Variants in ZNF714 observed in about 807,000 individuals in gnomAD.
ZNF714 encodes zinc finger protein 714.
In ZNF714, 32 loss-of-function variants were observed where a neutral mutation model predicts 46.2. The observed-to-expected ratio is 0.69, with a 90% CI of 0.52 to 0.93. The LOEUF (loss-of-function observed/expected upper bound fraction) is 0.93. Ranked by LOEUF, ZNF714 falls within the 40% of genes least tolerant of loss-of-function variation. ZNF714 has a pLI of 0.00. For missense variants in ZNF714, 635 were observed against 646.3 expected (o/e 0.98, Z 0.19); for synonymous variants, 199 against 213.1 (o/e 0.93, Z 0.58).
intron 4 of ZNF714, among the ~76,000 whole-genome samples, chr19:21,102,827 T>C (rs911201048): frequency 6.6e-6 from 1 of 152,224 alleles, no homozygotes; most frequent in Non-Finnish European, 1.5e-5. Context: ...TTCATGTTAG[T>C]GTTTTTTCAG....
At chr19:21,083,489 A>G (rs751951401) in intron 1 of ZNF714, among the ~76,000 whole-genome samples, 2 of 152,126 alleles carry the variant, frequency 1.3e-5, no homozygotes, top group Non-Finnish European at 2.9e-5. Flanking sequence ...CCCGTCCCCC[A>G]TATCTCCAGC....
rs1189871825 is a variant in ZNF714 at position 21,117,618 on chromosome 19, T to C, written c.954T>C (p.Cys318=). 2.5e-6 allele frequency: 4 copies of C among 1,612,356 alleles called. No individual in the cohort carries two copies. The East Asian group carries it at 8.9e-5, about 36-fold the overall frequency. ...SGEKSYKCEQ[C]GKGFNWSSTL... is the part of the protein sequence containing the mutation. ...AGAAATCTTACAAATGTGAACAATG[T>C]GGCAAAGGCTTTAACTGGTCTTCAA... Residue 318 remains cysteine, a synonymous_variant, in exon 5 of 5, where the codon TGT becomes TGC. Coordinates refer to ENST00000456283, the MANE Select transcript of ZNF714 (RefSeq NM_182515.4).
chr19:21,083,751 T>C (rs536785158), intron 1 of ZNF714, among the ~76,000 whole-genome samples: 14 of 152,296 alleles, frequency 9.2e-5, no homozygotes, highest in Non-Finnish European at 7.3e-5. Flanking sequence ...AATTTCTCTG[T>C]GCCTCTTCTC....
At chr19:21,099,814 A>G (rs575505773) in intron 4 of ZNF714, among the ~76,000 whole-genome samples, 1 of 152,036 alleles carries the variant, frequency 6.6e-6, no homozygotes, top group Non-Finnish European at 1.5e-5. Flanking sequence ...TTTAGATAAT[A>G]TGGCACTTTA....
rs145810082 is a variant in ZNF714, at chr19:21,107,110, C to T, written c.142+8200C>T. Among the ~76,000 whole-genome samples, 774 of 152,316 alleles carry T rather than the reference C, an allele frequency of 5.1e-3. 9 individuals are homozygous for T. The highest frequency in any genetic ancestry group is 0.018 in the African/African-American group (752 of 41,566). The stretch of plus-strand genomic sequence containing the variant: ...AAAGTGCTGGGCTTACAGACATGAG[C>T]CACGGTACCTGGCTTATTTTAGCTT... On this transcript the variant is annotated intron_variant, in intron 4 of 4. Transcript: ENST00000456283.
In ZNF714 at chr19:21,117,503, T is replaced by C. The variant is rs756449272; in HGVS notation, c.839T>C (p.Val280Ala). 1 of 1,608,174 alleles carries C rather than the reference T, an allele frequency of 6.2e-7. No individual in the cohort carries two copies. The highest frequency in any genetic ancestry group is 8.5e-7 in the Non-Finnish European group (1 of 1,176,840). Residue 280 changes from valine (V) to alanine (A), a missense_variant, in exon 5 of 5, where the codon GTT (valine) becomes GCT (alanine). By Grantham distance (64) the Val-to-Ala change is moderately conservative. Transcript: ENST00000456283. Reference sequence around the variant, plus strand: ...CTTACTACACATAAGTTCATTCATGTTAAAGAAAAACCCTACAAATGTGAA... The same window carrying C: ...CTTACTACACATAAGTTCATTCATGCTAAAGAAAAACCCTACAAATGTGAA... ...SALTTHKFIH[V>A]KEKPYKCEEC...
At position 21,124,786 on chromosome 19, in the gene ZNF714, A is replaced by G. The variant is rs1404886974; in HGVS notation, c.*6454A>G. Among the ~76,000 whole-genome samples, 1 of 152,114 alleles carries G rather than the reference A, an allele frequency of 6.6e-6. No individual in the cohort carries two copies. The highest frequency in any genetic ancestry group is 2.4e-5 in the African/African-American group (1 of 41,434). On this transcript the variant is annotated 3_prime_UTR_variant, in exon 5 of 5. Transcript: ENST00000456283. Reference sequence around the variant, plus strand: ...CTAAATACCTTGGCATCTGATGGTCACCATTTTACTCTATACATCAATGGG... The same window carrying G: ...CTAAATACCTTGGCATCTGATGGTCGCCATTTTACTCTATACATCAATGGG...
chr19:21,109,099 GT>G (rs35850352), intron 4 of ZNF714, among the ~76,000 whole-genome samples: 124,440 of 152,112 alleles, frequency 0.82, 52,893 homozygotes, highest in Middle Eastern at 0.93. Flanking sequence ...ATGGAATATA[GT>G]TTTTTTTCCA....
At chr19:21,102,587 AC>A (rs1219793740) in intron 4 of ZNF714, among the ~76,000 whole-genome samples, 2 of 152,178 alleles carry the variant, frequency 1.3e-5, no homozygotes, top group African/African-American at 4.8e-5. Context: ...AAAAATTATC[AC>A]ATTTCTTTTA....
At position 21,118,451 on chromosome 19, in the gene ZNF714, CAAAAAA is replaced by C. The variant is rs71176814; in HGVS notation, c.*131_*136del. 2.5e-4 allele frequency: 42 copies of C among 165,356 alleles called. No individual in the cohort carries two copies. The highest frequency in any genetic ancestry group is 3.2e-4 in the Non-Finnish European group (28 of 86,730). 10.2% of individuals were successfully genotyped at this position (165,356 alleles called of 1,614,324 possible). ...TGGGCCACAAGGCAAGACTCTGTCT[CAAAAAA>C]AAAAAAAAAAAGAAAAGAAAATTCA... On this transcript the variant is annotated 3_prime_UTR_variant, in exon 5 of 5. Coordinates refer to ENST00000456283, the MANE Select transcript of ZNF714 (RefSeq NM_182515.4).
intron 1 of ZNF714, among the ~76,000 whole-genome samples, chr19:21,082,762 T>C (rs1157488786): frequency 1.3e-5 from 2 of 152,150 alleles, no homozygotes; most frequent in Admixed American, 1.3e-4. Context: ...CACTAAAGCA[T>C]TTAATCAAAG....
intron 1 of ZNF714, among the ~76,000 whole-genome samples, chr19:21,083,108 T>C (rs10405218): frequency 6.6e-6 from 1 of 151,624 alleles, no homozygotes; most frequent in Non-Finnish European, 1.5e-5. Context: ...GGCGATCTTG[T>C]CTCACCGTAA....
At chr19:21,093,121 A>T (rs1968955954) in intron 2 of ZNF714, among the ~76,000 whole-genome samples, 1 of 151,776 alleles carries the variant, frequency 6.6e-6, no homozygotes, top group African/African-American at 2.4e-5. Flanking sequence ...AGCCAGGATG[A>T]TCTCAATCTC....
In ZNF714 at chr19:21,119,151, T is replaced by C; in HGVS notation, c.*819T>C. 2.2e-6 allele frequency: 1 copy of C among 447,866 alleles called. No homozygotes were observed. Among genetic ancestry groups the C allele is most frequent in the Non-Finnish European group, 4.5e-6 (1 of 223,756 alleles). The allele number at this position is 447,866 out of a possible 1,614,324, so 27.7% of individuals were successfully genotyped here. A position where few individuals can be genotyped will look rare whatever the true frequency, so the allele number is the denominator to read the frequency against. On this transcript the variant is annotated 3_prime_UTR_variant, in exon 5 of 5. Coordinates refer to ENST00000456283, the MANE Select transcript of ZNF714 (RefSeq NM_182515.4). ...CAGGCGTGGTGGCTCAGGCCTATAATCCCAGCACTTTGGTAGGCCAAGGCA... is the reference window on the plus strand; with the variant it reads ...CAGGCGTGGTGGCTCAGGCCTATAACCCCAGCACTTTGGTAGGCCAAGGCA...
chr19:21,105,826 A>T (rs777605924), intron 4 of ZNF714, among the ~76,000 whole-genome samples: 1 of 151,962 alleles, frequency 6.6e-6, no homozygotes, highest in Non-Finnish European at 1.5e-5. Flanking sequence ...GTGCTAGTGC[A>T]TGCCTGTAGT....
chr19:21,112,038 G>GT (rs1316202466), intron 4 of ZNF714, among the ~76,000 whole-genome samples: 1 of 151,720 alleles, frequency 6.6e-6, no homozygotes, highest in Non-Finnish European at 1.5e-5. Context: ...TGGCTTGAAG[G>GT]TTTTTTTGTT....
At chr19:21,105,026 CTT>C (rs34750232) in intron 4 of ZNF714, among the ~76,000 whole-genome samples, 3 of 129,760 alleles carry the variant, frequency 2.3e-5, no homozygotes, top group Admixed American at 8.6e-5. Flanking sequence ...TCATTTCTTT[CTT>C]TTTTTTTTTT....
rs948980069 is a variant in ZNF714 at position 21,088,111 on chromosome 19, G to A, written c.-85+4042G>A. 2.6e-5 allele frequency among the ~76,000 whole-genome samples: 4 copies of A among 152,224 alleles called. No homozygotes were observed. In the East Asian group the frequency reaches 7.7e-4, roughly 29 times the overall value. On this transcript the variant is annotated intron_variant, in intron 2 of 4. Coordinates refer to ENST00000456283, the MANE Select transcript of ZNF714 (RefSeq NM_182515.4). The stretch of plus-strand genomic sequence containing the variant: ...CAGGCCTTACCTAGCCGTAAAGCAG[G>A]CAAGTTGTACAGTGAACAGTGATAG...
intron 4 of ZNF714, among the ~76,000 whole-genome samples, chr19:21,106,517 C>T (rs1008965596): frequency 7.6e-5 from 11 of 145,332 alleles, no homozygotes; most frequent in African/African-American, 2.8e-4. Context: ...TGTAGTGAGC[C>T]GAGATCGTGC....
Sources: gnomAD v4.1 joint callset for allele counts (sites outside exome capture counted in the v4.1 genomes callset) on GRCh38, gnomAD v4.1.1 for gene constraint, MANE v1.5 for transcripts, NCBI Gene and HGNC (gene_info 2026-07-23, HGNC 2026-07-21) for gene names.